The following RBFOX1 variants were observed in gnomAD, a reference collection of about 807,000 sequenced individuals.
RBFOX1 encodes the protein RNA binding protein fox-1 homolog 1.
In RBFOX1, 8 loss-of-function variants were observed where a neutral mutation model predicts 57.7. The ratio of observed to expected loss-of-function variants is 0.14; its 90% CI spans 0.08 to 0.25. RBFOX1 has a LOEUF of 0.25. RBFOX1 is among the 10% of genes least tolerant of loss of function. The pLI is 1.00. For synonymous variants in RBFOX1, 326 were observed against 222.4 expected, an observed-to-expected ratio of 1.47 and a Z score of -4.15; for missense variants, 611 against 548.5, an observed-to-expected ratio of 1.11 and a Z score of -1.14.
At chr16:5,735,053 G>A (rs1410111138) in intron 3 of RBFOX1, among the ~76,000 whole-genome samples, 1 of 152,196 alleles carries the variant, frequency 6.6e-6, no homozygotes, top group Non-Finnish European at 1.5e-5. Flanking sequence ...AGTCCACAGT[G>A]GTAGGAAGGA....
At chr16:7,132,923 A>T (rs1424176693) in intron 4 of RBFOX1, among the ~76,000 whole-genome samples, 3 of 152,240 alleles carry the variant, frequency 2.0e-5, no homozygotes. Context: ...CCATTTTAAC[A>T]GGATACATTT....
chr16:5,562,538 G>T (rs910695337), intron 2 of RBFOX1, among the ~76,000 whole-genome samples: 1 of 152,074 alleles, frequency 6.6e-6, no homozygotes, highest in Non-Finnish European at 1.5e-5. Flanking sequence ...AGACCCCAGG[G>T]GTTGGTCTTG....
chr16:7,309,344 G>C (rs773592092), intron 4 of RBFOX1, among the ~76,000 whole-genome samples: 13 of 152,356 alleles, frequency 8.5e-5, no homozygotes, highest in East Asian at 1.9e-4. Flanking sequence ...GACATGGACT[G>C]CAGGGCCACC....
intron 2 of RBFOX1, among the ~76,000 whole-genome samples, chr16:6,386,193 C>T (rs1387426069): frequency 2.0e-5 from 3 of 152,312 alleles, no homozygotes; most frequent in Middle Eastern, 3.4e-3. Flanking sequence ...TCTCGGCCTC[C>T]CAAAGTGCTC....
intron 3 of RBFOX1, among the ~76,000 whole-genome samples, chr16:6,961,996 C>T (rs561361157): frequency 1.3e-5 from 2 of 152,214 alleles, no homozygotes; most frequent in African/African-American, 4.8e-5. Context: ...GAATACAGCT[C>T]AGTAGCTCTC....
chr16:5,599,824 G>C (rs1239988805), exon 3 of RBFOX1: 1 of 153,056 alleles, frequency 6.5e-6, no homozygotes, highest in Non-Finnish European at 1.5e-5. Flanking sequence ...GGTATGGTGA[G>C]ACATTGTGAT....
At chr16:6,519,430 G>A (rs946215766) in intron 2 of RBFOX1, among the ~76,000 whole-genome samples, 3 of 152,190 alleles carry the variant, frequency 2.0e-5, no homozygotes, top group Non-Finnish European at 4.4e-5. Flanking sequence ...GCTGGGCGCA[G>A]TGGCTCATGG....
At position 6,456,462 on chromosome 16, in the gene RBFOX1, T is replaced by C. The variant is rs1472404886; in HGVS notation, c.-64+139405T>C. Reference sequence around the variant, plus strand: ...TGGCTGCGATTATTCAAGTTTATCATTGATGATTGGGAAGAGCCACAGTCA... The same window carrying C: ...TGGCTGCGATTATTCAAGTTTATCACTGATGATTGGGAAGAGCCACAGTCA... On this transcript the variant is annotated intron_variant, in intron 2 of 15. Coordinates refer to ENST00000550418, the MANE Select transcript of RBFOX1 (RefSeq NM_018723.4). Among the ~76,000 whole-genome samples the C allele has an allele frequency of 4.6e-5, 7 of 152,174 alleles. No homozygotes were observed. In the East Asian group the frequency reaches 1.2e-3, roughly 25 times the overall value.
chr16:6,767,947 T>TAAGAAGAAGAAGAAGAAG (rs71145291), intron 3 of RBFOX1, among the ~76,000 whole-genome samples: 139 of 101,008 alleles, frequency 1.4e-3, no homozygotes, highest in African/African-American at 4.2e-3. Context: ...ATAATAATAA[T>TAAGAAGAAGAAGAAGAAG]AAGAAGAAGA....
intron 2 of RBFOX1, among the ~76,000 whole-genome samples, chr16:5,541,270 G>T (rs1343164970): frequency 2.0e-5 from 3 of 152,092 alleles, no homozygotes; most frequent in African/African-American, 7.2e-5. Context: ...GCTTTGTATT[G>T]TGAACGCTGA....
chr16:5,774,654 C>G (rs766727777), intron 3 of RBFOX1, among the ~76,000 whole-genome samples: 4 of 152,176 alleles, frequency 2.6e-5, no homozygotes, highest in Non-Finnish European at 5.9e-5. Context: ...ATACCAGCAG[C>G]ATTTCCTTTC....
At chr16:5,249,573 A>C (rs1316957495) in intron 1 of RBFOX1, among the ~76,000 whole-genome samples, 1 of 152,116 alleles carries the variant, frequency 6.6e-6, no homozygotes, top group Admixed American at 6.5e-5. Context: ...GGACTCTTGG[A>C]ATTGGGCCAG....
At chr16:6,598,270 T>A (rs2097798112) in intron 2 of RBFOX1, among the ~76,000 whole-genome samples, 1 of 152,228 alleles carries the variant, frequency 6.6e-6, no homozygotes. Flanking sequence ...AATTAAGACA[T>A]CCTTTCTTGT....
intron 2 of RBFOX1, among the ~76,000 whole-genome samples, chr16:6,457,966 C>G (rs1187849549): frequency 6.6e-6 from 1 of 150,952 alleles, no homozygotes; most frequent in Non-Finnish European, 1.5e-5. Context: ...CATGTGCAAA[C>G]AGATGCGTGT....
chr16:6,783,866 G>C (rs558740378), intron 3 of RBFOX1, among the ~76,000 whole-genome samples: 21 of 152,166 alleles, frequency 1.4e-4, no homozygotes, highest in African/African-American at 4.8e-4. Flanking sequence ...GTTTGTCTGA[G>C]AAAGTCTTTA....
chr16:6,951,151 C>T (rs192451551), intron 3 of RBFOX1, among the ~76,000 whole-genome samples: 1 of 152,164 alleles, frequency 6.6e-6, no homozygotes, highest in Non-Finnish European at 1.5e-5. Flanking sequence ...AACAAATCCT[C>T]CAGCATCAGC....
At chr16:6,975,605 G>C (rs1372612495) in intron 3 of RBFOX1, among the ~76,000 whole-genome samples, 3 of 152,120 alleles carry the variant, frequency 2.0e-5, no homozygotes, top group African/African-American at 7.2e-5. Flanking sequence ...GGAGAAAATT[G>C]ATCAGGTGTG....
chr16:5,668,464 C>T (rs2049917845), intron 3 of RBFOX1, among the ~76,000 whole-genome samples: 1 of 152,156 alleles, frequency 6.6e-6, no homozygotes, highest in Admixed American at 6.5e-5. Context: ...CCAAAATCAT[C>T]AGAGGTGGTT....
chr16:7,665,155 C>T (rs1167188445), intron 13 of RBFOX1, among the ~76,000 whole-genome samples, 187 bp downstream of exon 13: 1 of 152,142 alleles, frequency 6.6e-6, no homozygotes, highest in East Asian at 1.9e-4. Flanking sequence ...ACATCACTGG[C>T]TGTTTAGTGG....
Sources: gnomAD v4.1 joint callset for allele counts (sites outside exome capture counted in the v4.1 genomes callset) on GRCh38, gnomAD v4.1.1 for gene constraint, MANE v1.5 for transcripts, NCBI Gene and HGNC (gene_info 2026-07-23, HGNC 2026-07-21) for gene names.